Variants in DYNC2H1 observed in about 807,000 individuals in gnomAD.
DYNC2H1 encodes cytoplasmic dynein 2 heavy chain 1.
A neutral mutation model predicts 570.0 loss-of-function variants in DYNC2H1; 410 were observed. The observed-to-expected ratio is 0.72, with a 90% CI of 0.66 to 0.78. The LOEUF is 0.78. DYNC2H1 is among the 30% of genes least tolerant of loss of function. DYNC2H1 has a pLI of 0.00. For synonymous variants in DYNC2H1, 1,688 were observed against 1,677.6 expected, an observed-to-expected ratio of 1.01 and a Z score of -0.15; for missense variants, 4,865 against 5,046.4, an observed-to-expected ratio of 0.96 and a Z score of 1.09.
At chr11:103,466,809 AAG>A (rs1401561512) in intron 87 of DYNC2H1, among the ~76,000 whole-genome samples, 2 of 152,188 alleles carry the variant, frequency 1.3e-5, no homozygotes, top group East Asian at 3.9e-4. Context: ...TATGACAAGT[AAG>A]AGTATAGATT....
intron 84 of DYNC2H1, among the ~76,000 whole-genome samples, chr11:103,413,974 A>G (rs1793503): frequency 0.6 from 91,505 of 151,992 alleles, 29,495 homozygotes; most frequent in African/African-American, 0.85. Flanking sequence ...ACAGAAGTAC[A>G]TTATTGTAAG....
intron 84 of DYNC2H1, among the ~76,000 whole-genome samples, chr11:103,411,964 T>G (rs547868792): frequency 2.2e-4 from 33 of 152,150 alleles, no homozygotes; most frequent in Non-Finnish European, 4.1e-4. Context: ...CAAAGCATGT[T>G]TAAATTCTGT....
Position 103,323,973 on chromosome 11 carries a change from C to T in DYNC2H1, c.12022C>T (p.Arg4008Cys), listed in dbSNP as rs765336353. The change falls in exon 82 of 89, where the codon CGC becomes TGC. Residue 4008 changes from arginine to cysteine, a missense_variant. By Grantham distance (180) the Arg-to-Cys change is radical (BLOSUM62 -3). This residue lies in a region of DYNC2H1 where 2,401 missense variants were observed against 2,454.6 expected (regional missense o/e 0.98). Transcript: ENST00000375735. The stretch of plus-strand genomic sequence containing the variant: ...TGCCAATATCGCTCGCTCATCTCAG[C>T]GCATGATCAGTTCTCAGGTAACCTA... Reference protein sequence around the residue: ...LPANIARSSQRMISSQVISQL... With the variant: ...LPANIARSSQCMISSQVISQL... 19 of 1,610,650 alleles carry T rather than the reference C, an allele frequency of 1.2e-5. No homozygotes were observed. Among genetic ancestry groups the T allele is most frequent in the Admixed American group, 1.7e-5 (1 of 59,712 alleles).
intron 85 of DYNC2H1, among the ~76,000 whole-genome samples, chr11:103,437,062 G>C (rs1944089161): frequency 6.6e-6 from 1 of 152,074 alleles, no homozygotes; most frequent in Admixed American, 6.6e-5. Flanking sequence ...CCTGAGCACT[G>C]CTCCTGTATT....
At chr11:103,430,757 C>G (rs1463508061) in intron 84 of DYNC2H1, among the ~76,000 whole-genome samples, 1 of 151,964 alleles carries the variant, frequency 6.6e-6, no homozygotes, top group Non-Finnish European at 1.5e-5. Flanking sequence ...TATAGATACT[C>G]AGGAAAAGAC....
Position 103,303,206 on chromosome 11 carries a change from C to T in DYNC2H1, c.11209C>T (p.Leu3737Phe), listed in dbSNP as rs772790955. ...TCCGGGTGCTGATCCTTCTCAGGAA[C>T]TTCAAGAACTAGCTAATGCTGAAAG... is the stretch of plus-strand genomic sequence containing the variant. Reference protein sequence around the residue: ...ISPGADPSQELQELANAERSG... With the variant: ...ISPGADPSQEFQELANAERSG... The change falls in exon 76 of 89, where the codon CTT (leucine) becomes TTT (phenylalanine). Residue 3737 changes from leucine (L) to phenylalanine (F), a missense_variant. Around this residue, in one of 5 missense-constraint regions of DYNC2H1, gnomAD observed 2,401 missense variants for 2,454.6 expected, o/e 0.98. Transcript: ENST00000375735. 3 of 1,612,754 alleles carry T rather than the reference C, an allele frequency of 1.9e-6. No homozygotes were observed. The East Asian group carries it at 6.7e-5, about 36-fold the overall frequency.
chr11:103,331,113 A>G (rs7126801), intron 82 of DYNC2H1, among the ~76,000 whole-genome samples: 49,607 of 152,062 alleles, frequency 0.33, 8,154 homozygotes, highest in South Asian at 0.39. Flanking sequence ...GACACAACAC[A>G]AACATTTGCT....
chr11:103,202,109 T>G (rs1195718308), intron 50 of DYNC2H1, among the ~76,000 whole-genome samples: 4 of 152,184 alleles, frequency 2.6e-5, no homozygotes, highest in African/African-American at 9.7e-5. Context: ...ATGCTCTAAT[T>G]AGACAAGTGG....
chr11:103,189,905 A>G lies in DYNC2H1; in HGVS notation c.7437+89A>G, dbSNP rs1591382437. 3 of 1,343,664 alleles carry G rather than the reference A, an allele frequency of 2.2e-6. No homozygotes were observed. Among genetic ancestry groups the G allele is most frequent in the East Asian group, 4.7e-5 (2 of 42,756 alleles). The allele number at this position is 1,343,664 out of a possible 1,614,324, so 83.2% of individuals were successfully genotyped here. ...AATTCTGACCTCTGTGTTGACACCC[A>G]GGCTTTACTTTCCTGTTTATTAGAC... On this transcript the variant is annotated intron_variant, in intron 45 of 88. Coordinates refer to ENST00000375735, the MANE Select transcript of DYNC2H1 (RefSeq NM_001377.3). The surrounding 1 kb of genome is among the most constrained non-coding windows in gnomAD (Gnocchi z 4.3).
Position 103,233,530 on chromosome 11 carries a change from A to T in DYNC2H1, c.9441-504A>T, listed in dbSNP as rs574152672. Among the ~76,000 whole-genome samples, 23 of 151,908 alleles carry T rather than the reference A, an allele frequency of 1.5e-4. 1 individual carries two copies. The South Asian group carries it at 4.8e-3, about 32-fold the overall frequency. On this transcript the variant is annotated intron_variant, in intron 60 of 88. Transcript: ENST00000375735. ...ATTTTATTTGTATTTTTAGTGGTAG[A>T]TGTTAGAGGGGGTTGGGCTGTGGGG... is the stretch of plus-strand genomic sequence containing the variant.
intron 85 of DYNC2H1, among the ~76,000 whole-genome samples, chr11:103,453,894 T>C (rs189403127): frequency 4.5e-4 from 69 of 152,026 alleles, no homozygotes; most frequent in Middle Eastern, 3.5e-3. Context: ...ATAAATATGC[T>C]ATGTATAATA....
chr11:103,465,814 A>G lies in DYNC2H1; in HGVS notation c.12649-2775A>G, dbSNP rs1945179146. 6.6e-6 allele frequency among the ~76,000 whole-genome samples: 1 copy of G among 152,164 alleles called. No individual in the cohort carries two copies. The highest frequency in any genetic ancestry group is 6.5e-5 in the Admixed American group (1 of 15,284). ...ATGGTGGTTTCAGTGCAGCATTTCT[A>G]GAAGGCAGAGCCTTTTAAAGCCTAG... On this transcript the variant is annotated intron_variant, in intron 87 of 88. Transcript: ENST00000375735. This position sits in a 1 kb window ranked among gnomAD's most constrained non-coding sequence, Gnocchi z 4.9.
intron 22 of DYNC2H1, 144 bp downstream of exon 22, chr11:103,153,652 A>AGGAGTTGTTGTCT: frequency 1.2e-6 from 1 of 800,392 alleles, no homozygotes; most frequent in South Asian, 1.7e-5. Context: ...AAGCATTCAT[A>AGGAGTTGTTGTCT]TACTGTTGTC....
intron 13 of DYNC2H1, among the ~76,000 whole-genome samples, chr11:103,131,978 T>C (rs1459743075): frequency 1.3e-5 from 2 of 152,186 alleles, no homozygotes; most frequent in African/African-American, 4.8e-5. Flanking sequence ...TTATGTCTTT[T>C]GCCACATTTG....
intron 28 of DYNC2H1, among the ~76,000 whole-genome samples, chr11:103,159,892 C>G (rs770405283): frequency 6.6e-6 from 1 of 152,020 alleles, no homozygotes; most frequent in Non-Finnish European, 1.5e-5. Flanking sequence ...TAATCCTGCA[C>G]GGTAGTTTAT....
chr11:103,396,837 G>A (rs1942418012), intron 83 of DYNC2H1, among the ~76,000 whole-genome samples: 1 of 152,160 alleles, frequency 6.6e-6, no homozygotes, highest in South Asian at 2.1e-4. Context: ...AATATGGGTG[G>A]AGCTGAAGGC....
intron 88 of DYNC2H1, among the ~76,000 whole-genome samples, chr11:103,478,379 T>C (rs558068367): frequency 6.6e-6 from 1 of 152,298 alleles, no homozygotes; most frequent in Non-Finnish European, 1.5e-5. Flanking sequence ...TGTGTAACCT[T>C]GAATGAAAAG....
intron 79 of DYNC2H1, among the ~76,000 whole-genome samples, chr11:103,315,125 C>A (rs1937748897): frequency 1.3e-5 from 2 of 151,860 alleles, no homozygotes; most frequent in Non-Finnish European, 2.9e-5. Flanking sequence ...ATGCTATTGA[C>A]CCCAAATTTA....
Position 103,234,091 on chromosome 11 carries a change from A to G in DYNC2H1, c.9498A>G (p.Gln3166=), listed in dbSNP as rs1277220109. Residue 3166 remains glutamine (Q), a synonymous_variant, in exon 61 of 89, where the codon CAA becomes CAG. Transcript: ENST00000375735. ...AKLEAEVSKA[Q]ETIKAAEVLI... is the part of the protein sequence containing the mutation. ...TTGAGGCTGAAGTAAGCAAGGCACA[A>G]GAAACAATCAAAGCTGCAGAAGTCT... 6.4e-7 allele frequency: 1 copy of G among 1,570,202 alleles called. No individual in the cohort carries two copies. Among genetic ancestry groups the G allele is most frequent in the Admixed American group, 1.9e-5 (1 of 53,480 alleles).
Sources: gnomAD v4.1 joint callset for allele counts (sites outside exome capture counted in the v4.1 genomes callset) on GRCh38, gnomAD v4.1.1 for gene constraint, gnomAD v4.1.1 regional missense constraint, Gnocchi (gnomAD v3.1) non-coding constraint, MANE v1.5 for transcripts, NCBI Gene and HGNC (gene_info 2026-07-23, HGNC 2026-07-21) for gene names.